MRTFB: variants seen among roughly 807,000 people sequenced by gnomAD.
MRTFB encodes the protein myocardin-related transcription factor B.
MRTFB carries 29 observed loss-of-function variants against 104.2 expected under a neutral mutation model. The observed-to-expected ratio is 0.28, with a 90% CI of 0.21 to 0.38. The LOEUF (loss-of-function observed/expected upper bound fraction) is 0.38, where lower values mean the gene tolerates loss of function less well. Ranked by LOEUF, MRTFB falls within the 10% of genes least tolerant of loss-of-function variation. The probability of loss-of-function intolerance (pLI) is 1.00; values close to 1 mark genes in which losing one functional copy is unlikely to be tolerated. For missense variants in MRTFB, 1,270 were observed against 1,341.6 expected, an observed-to-expected ratio of 0.95 and a Z score of 0.83; for synonymous variants, 535 against 519.5, an observed-to-expected ratio of 1.03 and a Z score of -0.41.
At chr16:14,193,483 C>T (rs2040287578) in intron 3 of MRTFB, among the ~76,000 whole-genome samples, 3 of 152,158 alleles carry the variant, frequency 2.0e-5, no homozygotes, top group African/African-American at 4.8e-5. Flanking sequence ...GTCGCCTTCT[C>T]ACACAGGCCC....
chr16:14,150,513 TTACAA>T (rs1350489076), intron 3 of MRTFB, among the ~76,000 whole-genome samples: 2 of 152,150 alleles, frequency 1.3e-5, no homozygotes, highest in Non-Finnish European at 2.9e-5. Context: ...TACTGTATTC[TTACAA>T]TAAAGTAAGC....
chr16:14,258,053 T>C (rs1324876352), intron 15 of MRTFB, 48 bp from the exon 16 acceptor site: 1 of 1,496,028 alleles, frequency 6.7e-7, no homozygotes, highest in South Asian at 1.1e-5. Flanking sequence ...ATATAATGCT[T>C]CCAGGTTTGT....
At chr16:14,080,225 A>G (rs1423602378) in intron 2 of MRTFB, among the ~76,000 whole-genome samples, 1 of 152,226 alleles carries the variant, frequency 6.6e-6, no homozygotes, top group Non-Finnish European at 1.5e-5. Flanking sequence ...GACATGGCTT[A>G]CCTGTCCTCT....
At chr16:14,100,899 A>G (rs1000105638) in intron 2 of MRTFB, among the ~76,000 whole-genome samples, 1 of 152,176 alleles carries the variant, frequency 6.6e-6, no homozygotes, top group Non-Finnish European at 1.5e-5. Flanking sequence ...ATCTATGATG[A>G]CGTTGCCTCT....
At chr16:14,084,047 GA>G (rs1243399085) in intron 2 of MRTFB, among the ~76,000 whole-genome samples, 36 of 152,316 alleles carry the variant, frequency 2.4e-4, no homozygotes, top group South Asian at 8.3e-4. Flanking sequence ...ATGCATAGAT[GA>G]AATACTCTTG....
intron 3 of MRTFB, among the ~76,000 whole-genome samples, chr16:14,184,630 A>C (rs921268982): frequency 1.3e-5 from 2 of 152,132 alleles, no homozygotes; most frequent in African/African-American, 4.8e-5. Context: ...TGCTATTATT[A>C]TTTCATGAGT....
chr16:14,054,900 G>A, the MRTFB span, among the ~76,000 whole-genome samples: 1 of 152,168 alleles, frequency 6.6e-6, no homozygotes, highest in Admixed American at 6.5e-5. Flanking sequence ...GGTAAACTGA[G>A]CACCTCATTA....
intron 3 of MRTFB, among the ~76,000 whole-genome samples, chr16:14,191,598 T>C (rs2040187307): frequency 6.6e-6 from 1 of 152,206 alleles, no homozygotes; most frequent in African/African-American, 2.4e-5. Flanking sequence ...ACCCTGCATC[T>C]CATAGACACA....
At chr16:14,197,736 C>T (rs988463191) in intron 3 of MRTFB, among the ~76,000 whole-genome samples, 1 of 152,020 alleles carries the variant, frequency 6.6e-6, no homozygotes, top group Non-Finnish European at 1.5e-5. Flanking sequence ...ATATAGATAT[C>T]TAGCGTGCAG....
At chr16:14,155,239 G>T (rs2038785318) in intron 3 of MRTFB, among the ~76,000 whole-genome samples, 2 of 151,194 alleles carry the variant, frequency 1.3e-5, no homozygotes. Context: ...CTTTTAAAAT[G>T]CATATCTAAT....
intron 1 of MRTFB, among the ~76,000 whole-genome samples, chr16:14,074,435 C>T (rs767876090): frequency 3.9e-5 from 6 of 152,076 alleles, no homozygotes; most frequent in Non-Finnish European, 5.9e-5. Context: ...AAAGTTCATG[C>T]TTTTATGAAG....
intron 8 of MRTFB, among the ~76,000 whole-genome samples, chr16:14,220,606 A>G (rs1039950211): frequency 1.3e-5 from 2 of 152,206 alleles, no homozygotes; most frequent in Non-Finnish European, 2.9e-5. Flanking sequence ...TTGAAGGAAA[A>G]TAGTAATAAC....
At chr16:14,029,692 G>A in the MRTFB span, among the ~76,000 whole-genome samples, 1 of 151,936 alleles carries the variant, frequency 6.6e-6, no homozygotes, top group African/African-American at 2.4e-5. Flanking sequence ...AGAATTTGCA[G>A]GTATTTTTAG....
chr16:14,194,376 A>C (rs779876384), intron 3 of MRTFB, among the ~76,000 whole-genome samples: 6 of 152,220 alleles, frequency 3.9e-5, no homozygotes, highest in Non-Finnish European at 8.8e-5. Flanking sequence ...GTGAGCCCTC[A>C]GGTGTCTCTT....
intron 2 of MRTFB, among the ~76,000 whole-genome samples, chr16:14,129,788 C>T (rs752718382): frequency 3.3e-5 from 5 of 152,082 alleles, no homozygotes; most frequent in Admixed American, 6.6e-5. Context: ...AACATTTATT[C>T]GTGTCCTCAT....
At chr16:14,143,757 A>G (rs954782943) in intron 3 of MRTFB, 1 of 152,046 alleles carries the variant, frequency 6.6e-6, no homozygotes, top group Non-Finnish European at 1.5e-5. Flanking sequence ...TCTCTATAAC[A>G]TAATACTTGT....
chr16:14,217,313 G>A lies in MRTFB; in HGVS notation c.514+26G>A, dbSNP rs369036923. ...GCAAGACTCTAAAAATTTACTATTT[G>A]GGGTGAGAAAGAGAAACTTGGAAAT... On this transcript the variant is annotated intron_variant, in intron 7 of 16. Coordinates refer to ENST00000571589, the MANE Select transcript of MRTFB (RefSeq NM_001308142.2). The A allele has an allele frequency of 1.3e-5, 20 of 1,558,480 alleles. No individual in the cohort carries two copies. The East Asian group carries it at 2.5e-4, about 19-fold the overall frequency.
chr16:14,133,879 C>T (rs568275636), intron 2 of MRTFB, among the ~76,000 whole-genome samples: 2 of 152,268 alleles, frequency 1.3e-5, no homozygotes, highest in East Asian at 3.9e-4. Context: ...CTTAAAAACA[C>T]AGTTGTTCAA....
chr16:14,042,186 C>A, the MRTFB span, among the ~76,000 whole-genome samples: 1 of 151,946 alleles, frequency 6.6e-6, no homozygotes, highest in Non-Finnish European at 1.5e-5. Context: ...AGTGCAATGG[C>A]GTGATCTCAG....
Sources: gnomAD v4.1 joint callset for allele counts (sites outside exome capture counted in the v4.1 genomes callset) on GRCh38, gnomAD v4.1.1 for gene constraint, MANE v1.5 for transcripts, NCBI Gene and HGNC (gene_info 2026-07-23, HGNC 2026-07-21) for gene names.